MEGF8: variants seen among roughly 807,000 people sequenced by gnomAD.
MEGF8 encodes the protein multiple epidermal growth factor-like domains protein 8.
MEGF8 carries 156 observed loss-of-function variants against 302.9 expected under a neutral mutation model. The ratio of observed to expected loss-of-function variants is 0.52; its 90% CI spans 0.45 to 0.59. The LOEUF (loss-of-function observed/expected upper bound fraction) is 0.59. MEGF8 is among the 20% of genes least tolerant of loss of function. MEGF8 has a pLI of 0.00. For missense variants in MEGF8, 3,345 were observed against 3,964.5 expected (o/e 0.84, Z 4.20); for synonymous variants, 1,621 against 1,660.5 (o/e 0.98, Z 0.58).
At chr19:42,370,439 G>A in intron 39 of MEGF8, 80 bp downstream of exon 39, 2 of 1,296,436 alleles carry the variant, frequency 1.5e-6, no homozygotes, top group Non-Finnish European at 2.1e-6. Context: ...GAGGGGGCTG[G>A]AGACCTGGAC....
intron 8 of MEGF8, 135 bp downstream of exon 8, chr19:42,337,341 A>G: frequency 2.4e-6 from 3 of 1,235,144 alleles, no homozygotes; most frequent in Non-Finnish European, 3.4e-6. Flanking sequence ...TTAGGAGGCA[A>G]GCCTGGGATG....
In MEGF8 at chr19:42,351,026, G is replaced by A. The variant is rs2039361518; in HGVS notation, c.2737-190G>A. 1 of 608,324 alleles carries A rather than the reference G, an allele frequency of 1.6e-6. No individual in the cohort carries two copies. Among genetic ancestry groups the A allele is most frequent in the African/African-American group, 1.9e-5 (1 of 53,806 alleles). 37.7% of individuals were successfully genotyped at this position (608,324 alleles called of 1,614,324 possible). ...GGGGTGCTATTGCCTAAAGGAGACA[G>A]TGGGTGCTGGGCGGGCCGACCCATG... On this transcript the variant is annotated intron_variant, in intron 15 of 41. Transcript: ENST00000251268. This position sits in a 1 kb window ranked among gnomAD's most constrained non-coding sequence, Gnocchi z 5.6.
At position 42,360,759 on chromosome 19, in the gene MEGF8, C is replaced by G. The variant is rs35875097; in HGVS notation, c.5489-16C>G. On this transcript the variant is annotated splice_polypyrimidine_tract_variant and intron_variant, in intron 31 of 41. Transcript: ENST00000251268. Reference sequence around the variant, plus strand: ...CTCCTGCTCTCTATCTGTCTGAATACACCATCTTTCCTCAGGCTCGGCCTC... The same window carrying G: ...CTCCTGCTCTCTATCTGTCTGAATAGACCATCTTTCCTCAGGCTCGGCCTC... The G allele has an allele frequency of 1.0e-5, 16 of 1,560,540 alleles. No individual in the cohort carries two copies. The highest frequency in any genetic ancestry group is 1.4e-5 in the Non-Finnish European group (16 of 1,152,676).
chr19:42,363,739 G>T (rs748562041), intron 35 of MEGF8, among the ~76,000 whole-genome samples: 7 of 152,062 alleles, frequency 4.6e-5, no homozygotes, highest in Non-Finnish European at 1.0e-4. Context: ...ACTCCCTCGA[G>T]CTGGTTTTGT....
chr19:42,348,341 C>T lies in MEGF8; in HGVS notation c.2167C>T (p.Arg723Cys), dbSNP rs996289561. The change falls in exon 13 of 42, where the codon CGT becomes TGT. Residue 723 changes from arginine (R) to cysteine (C), a missense_variant. Arg to Cys is a radical substitution (Grantham distance 180, BLOSUM62 -3). Coordinates refer to ENST00000251268, the MANE Select transcript of MEGF8 (RefSeq NM_001271938.2). Reference protein sequence around the residue: ...SAETDVSLVYRGFIYPMLPGG... With the variant: ...SAETDVSLVYCGFIYPMLPGG... ...AGAGACAGATGTGTCCCTGGTCTAC[C>T]GTGGCTTCATCTACCCAATGCTGCC... 8 of 1,537,386 alleles carry T rather than the reference C, an allele frequency of 5.2e-6. No homozygotes were observed. The highest frequency in any genetic ancestry group is 2.0e-5 in the Admixed American group (1 of 50,978).
At chr19:42,365,604 A>C (rs1315924817) in intron 35 of MEGF8, among the ~76,000 whole-genome samples, 3 of 133,104 alleles carry the variant, frequency 2.3e-5, no homozygotes, top group Non-Finnish European at 4.8e-5. Context: ...TCATCTCTAC[A>C]AAAAAAAAAA....
rs151134622 is a variant in MEGF8, at chr19:42,360,863, C to T, written c.5577C>T (p.Phe1859=). The T allele has an allele frequency of 1.9e-5, 31 of 1,613,334 alleles. No homozygotes were observed. Among genetic ancestry groups the T allele is most frequent in the African/African-American group, 1.5e-4 (11 of 75,068 alleles). Residue 1859 remains phenylalanine, a synonymous_variant, in exon 32 of 42, where the codon TTC becomes TTT. Transcript: ENST00000251268. ...VGSRLYISGG[F]GGVALGRLLA... is the part of the protein sequence containing the mutation. ...GCCGCCTGTATATCTCTGGGGGTTTCGGGGGAGTGGCCCTGGGCCGCCTGC... is the reference window on the plus strand; with the variant it reads ...GCCGCCTGTATATCTCTGGGGGTTTTGGGGGAGTGGCCCTGGGCCGCCTGC...
chr19:42,358,322 C>T lies in MEGF8; in HGVS notation c.5175+15C>T, dbSNP rs1466678065. 2 of 1,593,488 alleles carry T rather than the reference C, an allele frequency of 1.3e-6. No homozygotes were observed. Among genetic ancestry groups the T allele is most frequent in the Non-Finnish European group, 8.5e-7 (1 of 1,170,726 alleles). Reference sequence around the variant, plus strand: ...AGGGGGCAAAGGTCAGGAAAAGAGGCTCAGACCCAAGGATGTATGGGGCAG... The same window carrying T: ...AGGGGGCAAAGGTCAGGAAAAGAGGTTCAGACCCAAGGATGTATGGGGCAG... On this transcript the variant is annotated intron_variant, in intron 29 of 41. Transcript: ENST00000251268. The surrounding 1 kb of genome is among the most constrained non-coding windows in gnomAD (Gnocchi z 4.4).
Position 42,376,330 on chromosome 19 carries a change from C to G in MEGF8, c.8093C>G (p.Ala2698Gly), listed in dbSNP as rs1218191232. 2 of 1,613,708 alleles carry G rather than the reference C, an allele frequency of 1.2e-6. No homozygotes were observed. The highest frequency in any genetic ancestry group is 1.6e-4 in the Middle Eastern group (1 of 6,062). ...EMTKMASRPF[A>G]KVTVCFPPDP... ...ACCAAGATGGCCAGCCGCCCCTTCG[C>G]CAAGGTCACCGTCTGCTTCCCACCT... The change falls in exon 42 of 42, where the codon GCC becomes GGC. Residue 2698 changes from alanine (A) to glycine (G), a missense_variant. Ala to Gly is a moderately conservative substitution (Grantham distance 60, BLOSUM62 0). Transcript: ENST00000251268. The surrounding 1 kb of genome is among the most constrained non-coding windows in gnomAD (Gnocchi z 8.2).
chr19:42,343,389 T>C, intron 8 of MEGF8, 88 bp from the exon 9 acceptor site: 1 of 1,437,206 alleles, frequency 7.0e-7, no homozygotes, highest in East Asian at 2.3e-5. Context: ...AATAGAAGGC[T>C]GGGCTGTGGC....
chr19:42,348,197 C>G, intron 12 of MEGF8, 75 bp from the exon 13 acceptor site: 6 of 1,351,280 alleles, frequency 4.4e-6, no homozygotes, highest in Non-Finnish European at 6.0e-6. Flanking sequence ...TTGGGTTGAC[C>G]AGTCTTTTCT....
intron 12 of MEGF8, among the ~76,000 whole-genome samples, chr19:42,347,319 T>C (rs1370789681): frequency 6.7e-6 from 1 of 149,158 alleles, no homozygotes; most frequent in Non-Finnish European, 1.5e-5. Flanking sequence ...CTCATTCTTT[T>C]TTTTTTTTTT....
intron 35 of MEGF8, among the ~76,000 whole-genome samples, chr19:42,365,844 G>A (rs2039597397): frequency 6.6e-6 from 1 of 151,542 alleles, no homozygotes; most frequent in Non-Finnish European, 1.5e-5. Context: ...AGCACTTTGG[G>A]AGGCTGAGGT....
chr19:42,352,160 C>G lies in MEGF8; in HGVS notation c.3102-48C>G. 6.8e-7 allele frequency: 1 copy of G among 1,468,586 alleles called. No homozygotes were observed. The highest frequency in any genetic ancestry group is 1.4e-5 in the African/African-American group (1 of 70,830). The allele number at this position is 1,468,586 out of a possible 1,614,324, so 91.0% of individuals were successfully genotyped here. ...TCCCTGTCATTGTTTCTATGTATGGCTCCTGTTTCTATGTTGTCCCCCGCT... is the reference window on the plus strand; with the variant it reads ...TCCCTGTCATTGTTTCTATGTATGGGTCCTGTTTCTATGTTGTCCCCCGCT... On this transcript the variant is annotated intron_variant, in intron 18 of 41. Coordinates refer to ENST00000251268, the MANE Select transcript of MEGF8 (RefSeq NM_001271938.2). The surrounding 1 kb of genome is among the most constrained non-coding windows in gnomAD (Gnocchi z 4.4).
In MEGF8 at chr19:42,358,701, A is replaced by G. The variant is rs996855312; in HGVS notation, c.5176-86A>G. The G allele has an allele frequency of 6.3e-6, 9 of 1,429,428 alleles. No individual in the cohort carries two copies. The highest frequency in any genetic ancestry group is 8.3e-6 in the Non-Finnish European group (9 of 1,080,330). 88.5% of individuals were successfully genotyped at this position (1,429,428 alleles called of 1,614,324 possible). A position where few individuals can be genotyped will look rare whatever the true frequency, so the allele number is the denominator to read the frequency against. The stretch of plus-strand genomic sequence containing the variant: ...AGAGAGGCTGGTGGTTTCAGTCCAC[A>G]CGTTTCCAAGCCCGTCTTGGAGGCA... On this transcript the variant is annotated intron_variant, in intron 29 of 41. Coordinates refer to ENST00000251268, the MANE Select transcript of MEGF8 (RefSeq NM_001271938.2). The surrounding 1 kb of genome is among the most constrained non-coding windows in gnomAD (Gnocchi z 4.4).
intron 23 of MEGF8, among the ~76,000 whole-genome samples, chr19:42,355,512 G>A (rs2039438143): frequency 6.6e-6 from 1 of 152,086 alleles, no homozygotes; most frequent in African/African-American, 2.4e-5. Flanking sequence ...TGTCCAGGTG[G>A]GACAGGACTT....
At chr19:42,331,221 A>G (rs2039050049) in intron 1 of MEGF8, among the ~76,000 whole-genome samples, 1 of 152,168 alleles carries the variant, frequency 6.6e-6, no homozygotes, top group South Asian at 2.1e-4. Flanking sequence ...TTTTACAGTC[A>G]TGGAAACTAA....
rs777944855 is a variant in MEGF8, at chr19:42,337,154, C to G, written c.1461C>G (p.Gly487=). The G allele has an allele frequency of 6.2e-7, 1 of 1,613,906 alleles. No individual in the cohort carries two copies. Among genetic ancestry groups the G allele is most frequent in the Non-Finnish European group, 8.5e-7 (1 of 1,179,906 alleles). ...YEDGIFFYHL[G]CHQWVSGAEL... ...ATGGCATCTTCTTCTACCACCTTGG[C>G]TGCCATCAATGGGTGTCAGGAGCTG... is the stretch of plus-strand genomic sequence containing the variant. The change falls in exon 8 of 42, where the codon GGC becomes GGG. Residue 487 remains glycine (G), a synonymous_variant. Coordinates refer to ENST00000251268, the MANE Select transcript of MEGF8 (RefSeq NM_001271938.2).
In MEGF8 at chr19:42,334,327, C is replaced by T. The variant is rs1349399352; in HGVS notation, c.558+114C>T. The T allele has an allele frequency of 1.5e-5, 15 of 1,008,588 alleles. 1 individual carries two copies. In the Admixed American group the frequency reaches 4.0e-4, roughly 27 times the overall value. 62.5% of individuals were successfully genotyped at this position (1,008,588 alleles called of 1,614,324 possible). A position where few individuals can be genotyped will look rare whatever the true frequency, so the allele number is the denominator to read the frequency against. ...GCATGAAACTCCCCCCACCACCCCA[C>T]CCTCCTCCGTGACACCCACTTCCCT... On this transcript the variant is annotated intron_variant, in intron 3 of 41. Coordinates refer to ENST00000251268, the MANE Select transcript of MEGF8 (RefSeq NM_001271938.2).
Sources: allele counts gnomAD v4.1 joint callset (sites outside exome capture counted in the v4.1 genomes callset), GRCh38; gene constraint gnomAD v4.1.1; non-coding constraint Gnocchi (gnomAD v3.1); transcripts MANE v1.5; gene names NCBI Gene and HGNC (gene_info 2026-07-23, HGNC 2026-07-21).